Variants in GSAP observed in about 807,000 individuals in gnomAD.
GSAP encodes the protein gamma-secretase activating protein.
Under a neutral mutation model 131.7 loss-of-function variants are expected in GSAP, and 118 were observed. The observed-to-expected ratio is 0.90, with a 90% confidence interval of 0.77 to 1.04. The LOEUF (loss-of-function observed/expected upper bound fraction) is 1.04. Ranked by LOEUF, GSAP falls within the 50% of genes least tolerant of loss-of-function variation. The pLI is 0.00. For missense variants in GSAP, 1,019 were observed against 1,013.2 expected, an observed-to-expected ratio of 1.01 and a Z score of -0.08; for synonymous variants, 381 against 363.4, an observed-to-expected ratio of 1.05 and a Z score of -0.55.
At chr7:77,313,277 C>G (rs1185395403) in intron 28 of GSAP, among the ~76,000 whole-genome samples, 3 of 150,770 alleles carry the variant, frequency 2.0e-5, no homozygotes, top group Non-Finnish European at 4.4e-5. Context: ...TGTGCCAAGG[C>G]AGTGCAGAGC....
At chr7:77,356,344 C>T (rs1343318687) in intron 14 of GSAP, among the ~76,000 whole-genome samples, 1 of 152,166 alleles carries the variant, frequency 6.6e-6, no homozygotes, top group Non-Finnish European at 1.5e-5. Context: ...TCAAGCAACA[C>T]GAATTATTCC....
At chr7:77,332,369 T>C (rs2150696250) in intron 19 of GSAP, among the ~76,000 whole-genome samples, 1 of 152,336 alleles carries the variant, frequency 6.6e-6, no homozygotes, top group South Asian at 2.1e-4. Context: ...TAATTGTATA[T>C]ATTTATGGGT....
At chr7:77,387,559 A>T in intron 5 of GSAP, 111 bp from the exon 6 acceptor site, 1 of 652,008 alleles carries the variant, frequency 1.5e-6, no homozygotes, top group South Asian at 1.8e-5. Context: ...GTGACTATAA[A>T]CTAATAAAAC....
At chr7:77,366,195 T>A (rs1386942172) in intron 12 of GSAP, among the ~76,000 whole-genome samples, 6 of 152,160 alleles carry the variant, frequency 3.9e-5, no homozygotes, top group Non-Finnish European at 7.4e-5. Flanking sequence ...TCGTTTGGTT[T>A]ACTCTGTTAG....
chr7:77,337,710 T>G (rs1790249287), intron 19 of GSAP, among the ~76,000 whole-genome samples: 2 of 152,210 alleles, frequency 1.3e-5, no homozygotes, highest in South Asian at 4.1e-4. Flanking sequence ...ACTACAGATG[T>G]CCAACTTAAA....
intron 12 of GSAP, among the ~76,000 whole-genome samples, chr7:77,371,040 C>T (rs1013366391): frequency 6.6e-6 from 1 of 152,066 alleles, no homozygotes; most frequent in African/African-American, 2.4e-5. Flanking sequence ...GACCAAATAC[C>T]CCCTCCTATG....
intron 1 of GSAP, among the ~76,000 whole-genome samples, chr7:77,411,970 AGAGTTCAATACCAGCCT>A (rs1803369239): frequency 6.6e-6 from 1 of 152,142 alleles, no homozygotes; most frequent in Non-Finnish European, 1.5e-5. Flanking sequence ...CCTGAGGTCA[AGAGTTCAATACCAGCCT>A]GACCAATATG....
At chr7:77,351,607 C>A (rs1043459780) in intron 18 of GSAP, 1 of 985,612 alleles carries the variant, frequency 1.0e-6, no homozygotes, top group Non-Finnish European at 1.2e-6. Context: ...AGGTTATAAC[C>A]ACAGGTTTCT....
At chr7:77,370,354 G>A (rs374065389) in intron 12 of GSAP, among the ~76,000 whole-genome samples, 4 of 152,240 alleles carry the variant, frequency 2.6e-5, no homozygotes, top group East Asian at 1.9e-4. Context: ...CCAGCTACTC[G>A]GAAGGCTGAG....
At chr7:77,355,740 A>C in intron 14 of GSAP, 93 bp from the exon 15 acceptor site, 4 of 744,320 alleles carry the variant, frequency 5.4e-6, no homozygotes, top group Non-Finnish European at 7.0e-6. Flanking sequence ...TGAATATCTC[A>C]AAAGGCAAAA....
chr7:77,388,108 A>C (rs1483428935), intron 5 of GSAP, among the ~76,000 whole-genome samples: 1 of 152,264 alleles, frequency 6.6e-6, no homozygotes, highest in Non-Finnish European at 1.5e-5. Context: ...GTTTGACTTT[A>C]AAGTTTGACT....
intron 14 of GSAP, 46 bp from the exon 15 acceptor site, chr7:77,355,693 C>A: frequency 9.5e-7 from 1 of 1,056,040 alleles, no homozygotes; most frequent in Non-Finnish European, 1.5e-6. Context: ...GTAAAAGCTG[C>A]ACAGGTACAG....
rs759610128 is a variant in GSAP, at chr7:77,352,994, T to G, written c.1441A>C (p.Ser481Arg). ...TGTGGCAATAGTTTGTCCATGTTAC[T>G]TGTCTCTGAATATACACTCCAGTAT... is the stretch of plus-strand genomic sequence containing the variant. ...SSYWSVYSET[S>R]NMDKLLPHSS... is the part of the protein sequence containing the mutation. The change falls in exon 18 of 31, where the codon AGT becomes CGT. Residue 481 changes from serine to arginine, a missense_variant. By Grantham distance (110) the Ser-to-Arg change is moderately radical (BLOSUM62 -1). Coordinates refer to ENST00000257626, the MANE Select transcript of GSAP (RefSeq NM_017439.4). The G allele has an allele frequency of 1.2e-6, 2 of 1,607,742 alleles. No homozygotes were observed. The highest frequency in any genetic ancestry group is 3.3e-5 in the Admixed American group (2 of 59,982).
rs1794429844 is a variant in GSAP, at chr7:77,360,856, T to C, written c.995A>G (p.His332Arg). ...FTTSLENVGS[H>R]MTKGITFLNL... ...GAGAAAAGTAATGCCCTTTGTCATGTGTGACCCAACATTCTCAAGAGAAGT... is the reference window on the plus strand; with the variant it reads ...GAGAAAAGTAATGCCCTTTGTCATGCGTGACCCAACATTCTCAAGAGAAGT... The change falls in exon 14 of 31, where the codon CAC becomes CGC. Residue 332 changes from histidine (H) to arginine (R), a missense_variant. Transcript: ENST00000257626. The C allele has an allele frequency of 6.2e-7, 1 of 1,602,700 alleles. No homozygotes were observed. Among genetic ancestry groups the C allele is most frequent in the Non-Finnish European group, 8.5e-7 (1 of 1,169,874 alleles).
chr7:77,336,162 C>T (rs974236223), intron 19 of GSAP, among the ~76,000 whole-genome samples: 1 of 152,138 alleles, frequency 6.6e-6, no homozygotes, highest in Non-Finnish European at 1.5e-5. Context: ...GTTCTATTAG[C>T]CATTTTTAAT....
rs1012889475 is a variant in GSAP at position 77,323,892 on chromosome 7, T to C, written c.1828-150A>G. On this transcript the variant is annotated intron_variant, in intron 23 of 30. Transcript: ENST00000257626. ...CAATGGAAATGCATAACTCTCAGTA[T>C]TTCTCTGGTGAGCATAAATAAGGGG... 2.3e-5 allele frequency: 12 copies of C among 516,016 alleles called. No individual in the cohort carries two copies. In the African/African-American group the frequency reaches 2.4e-4, roughly 10 times the overall value. 32.0% of individuals were successfully genotyped at this position (516,016 alleles called of 1,614,324 possible).
chr7:77,334,275 G>C (rs1335759732), intron 19 of GSAP, among the ~76,000 whole-genome samples: 1 of 152,074 alleles, frequency 6.6e-6, no homozygotes, highest in African/African-American at 2.4e-5. Context: ...CCTTTGCAGG[G>C]ACACAGATGG....
chr7:77,338,969 C>G (rs535725609), intron 19 of GSAP, among the ~76,000 whole-genome samples: 83 of 152,246 alleles, frequency 5.5e-4, no homozygotes, highest in African/African-American at 2.0e-3. Context: ...GGGCACTTAT[C>G]TACTAAGGAG....
intron 19 of GSAP, among the ~76,000 whole-genome samples, chr7:77,333,075 G>C (rs1789398350): frequency 6.6e-6 from 1 of 152,162 alleles, no homozygotes; most frequent in Non-Finnish European, 1.5e-5. Context: ...GCTGAGGCAG[G>C]AGAAACACTT....
Sources: allele counts gnomAD v4.1 joint callset (sites outside exome capture counted in the v4.1 genomes callset), GRCh38; gene constraint gnomAD v4.1.1; transcripts MANE v1.5; gene names NCBI Gene and HGNC (gene_info 2026-07-23, HGNC 2026-07-21).